The following SLC12A3 variants were observed in gnomAD, a reference collection of about 807,000 sequenced individuals.
SLC12A3 encodes Na-Cl cotransporter.
In SLC12A3, 104 loss-of-function variants were observed where a neutral mutation model predicts 121.0. The ratio of observed to expected loss-of-function variants is 0.86; its 90% CI spans 0.73 to 1.01. The LOEUF (loss-of-function observed/expected upper bound fraction) is 1.01. SLC12A3 is among the 50% of genes least tolerant of loss of function. The probability of loss-of-function intolerance (pLI) is 0.00; values close to 1 mark genes in which losing one functional copy is unlikely to be tolerated. For missense variants in SLC12A3, 1,328 were observed against 1,356.3 expected, an observed-to-expected ratio of 0.98 and a Z score of 0.33; for synonymous variants, 536 against 533.4, an observed-to-expected ratio of 1.00 and a Z score of -0.07.
At chr16:56,870,285 G>A (rs1232405055) in intron 5 of SLC12A3, 50 bp downstream of exon 5, 2 of 1,590,008 alleles carry the variant, frequency 1.3e-6, no homozygotes, top group Non-Finnish European at 1.7e-6. Context: ...GCAGCCCATT[G>A]CACTCTCCTC....
At chr16:56,897,751 A>G (rs1346520048) in intron 22 of SLC12A3, among the ~76,000 whole-genome samples, 1 of 152,146 alleles carries the variant, frequency 6.6e-6, no homozygotes, top group Non-Finnish European at 1.5e-5. Context: ...TGGGAAGGTT[A>G]GGTAACCCTT....
At chr16:56,887,629 T>A (rs558818356) in intron 17 of SLC12A3, among the ~76,000 whole-genome samples, 1 of 151,612 alleles carries the variant, frequency 6.6e-6, no homozygotes, top group South Asian at 2.1e-4. Flanking sequence ...CAATTCTAAC[T>A]CTTGGGGGCA....
chr16:56,887,798 A>ATATATATATATATATATTTTTT (rs1433682477), intron 17 of SLC12A3, 127 bp from the exon 18 acceptor site: 1 of 68,436 alleles, frequency 1.5e-5, no homozygotes, highest in African/African-American at 5.7e-5. Context: ...ATATATATAT[A>ATATATATATATATATATTTTTT]TTTTTTTTTT....
chr16:56,897,415 C>T (rs1454625101), intron 22 of SLC12A3, among the ~76,000 whole-genome samples: 5 of 152,336 alleles, frequency 3.3e-5, no homozygotes, highest in Middle Eastern at 3.4e-3. Context: ...CCCCAGCCTA[C>T]ACCACCCGGT....
chr16:56,891,809 A>G (rs1157589478), intron 19 of SLC12A3, among the ~76,000 whole-genome samples: 1 of 152,182 alleles, frequency 6.6e-6, no homozygotes, highest in African/African-American at 2.4e-5. Flanking sequence ...TAGGGGAAGT[A>G]TGTTCCAGCT....
chr16:56,882,635 C>T (rs2055256927), intron 13 of SLC12A3, 138 bp downstream of exon 13: 1 of 731,860 alleles, frequency 1.4e-6, no homozygotes, highest in African/African-American at 1.7e-5. Flanking sequence ...TGAAAGGGAA[C>T]ATTAATATAA....
At chr16:56,892,030 C>CGG in intron 19 of SLC12A3, 53 bp from the exon 20 acceptor site, 1 of 1,368,250 alleles carries the variant, frequency 7.3e-7, no homozygotes. Context: ...GAGGAACCCA[C>CGG]GGTGCCCTCA....
rs201972617 is a variant in SLC12A3 at position 56,890,256 on chromosome 16, C to T, written c.2286-18C>T. ...GGGAGCTGGGGGAGAAGCTGGACCT[C>T]ACCTCCTCTCTTTCCAGTGATGCCT... is the stretch of plus-strand genomic sequence containing the variant. On this transcript the variant is annotated intron_variant, in intron 18 of 25. Coordinates refer to ENST00000563236, the MANE Select transcript of SLC12A3 (RefSeq NM_001126108.2). The T allele has an allele frequency of 1.6e-4, 258 of 1,609,196 alleles. No homozygotes were observed. The African/African-American group carries it at 2.8e-3, about 17-fold the overall frequency.
intron 25 of SLC12A3, among the ~76,000 whole-genome samples, chr16:56,910,168 A>G (rs1431616909): frequency 6.6e-6 from 1 of 152,228 alleles, no homozygotes; most frequent in Non-Finnish European, 1.5e-5. Context: ...AATAGGCCTT[A>G]TGAATTTGCA....
rs771398122 is a variant in SLC12A3, at chr16:56,870,227, C to A, written c.733C>A (p.Leu245Met). Residue 245 changes from leucine to methionine, a missense_variant, in exon 5 of 26, where the codon CTG (leucine) becomes ATG (methionine). Physicochemically the swap from Leu to Met is conservative, Grantham distance 15. Transcript: ENST00000563236. ...TVGFAETVRDLLQEYGAPIVD... is the reference protein window; with the variant it reads ...TVGFAETVRDMLQEYGAPIVD... ...GGGCTTTGCAGAGACCGTGCGGGAC[C>A]TGCTCCAGGTGAGGCCGGGGGGCTG... The A allele has an allele frequency of 7.4e-6, 12 of 1,613,306 alleles. No individual in the cohort carries two copies. In the South Asian group the frequency reaches 1.3e-4, roughly 18 times the overall value.
Position 56,872,687 on chromosome 16 carries a change from C to A in SLC12A3, c.996C>A (p.Asp332Glu), listed in dbSNP as rs967928519. 1 of 1,614,160 alleles carries A rather than the reference C, an allele frequency of 6.2e-7. No homozygotes were observed. Among genetic ancestry groups the A allele is most frequent in the Non-Finnish European group, 8.5e-7 (1 of 1,180,056 alleles). Residue 332 changes from aspartate (D) to glutamate (E), a missense_variant, in exon 8 of 26, where the codon GAC (aspartate) becomes GAA (glutamate). Transcript: ENST00000563236. ...ADIFVQNLVP[D>E]WRGPDGTFFG... ...TTTTTGTCCAGAACTTGGTGCCTGA[C>A]TGGCGGGGTCCAGATGGCACCTTCT...
At chr16:56,893,541 T>C (rs2055418955) in intron 21 of SLC12A3, among the ~76,000 whole-genome samples, 1 of 152,198 alleles carries the variant, frequency 6.6e-6, no homozygotes, top group Admixed American at 6.5e-5. Flanking sequence ...TGACAGGGAA[T>C]TCCCTACCTA....
rs1334202330 is a variant in SLC12A3, at chr16:56,904,444, A to G, written c.2906A>G (p.Asp969Gly). The change falls in exon 25 of 26, where the codon GAC (aspartate) becomes GGC (glycine). Residue 969 changes from aspartate (D) to glycine (G), a missense_variant. By Grantham distance (94) the Asp-to-Gly change is moderately conservative (BLOSUM62 -1). Transcript: ENST00000563236. ...LNEIVLDYSR[D>G]AALIVITLPI... ...GAGATTGTGCTGGATTACTCCCGAG[A>G]CGCTGCTCTCATCGTCATGTAAGTA... 1 of 1,613,850 alleles carries G rather than the reference A, an allele frequency of 6.2e-7. No homozygotes were observed. The highest frequency in any genetic ancestry group is 8.5e-7 in the Non-Finnish European group (1 of 1,179,786).
Position 56,879,658 on chromosome 16 carries a change from G to T in SLC12A3, c.1443+9G>T, listed in dbSNP as rs754040092. The T allele has an allele frequency of 5.0e-6, 8 of 1,600,304 alleles. No individual in the cohort carries two copies. In the South Asian group the frequency reaches 8.8e-5, roughly 18 times the overall value. On this transcript the variant is annotated intron_variant, in intron 11 of 25. Coordinates refer to ENST00000563236, the MANE Select transcript of SLC12A3 (RefSeq NM_001126108.2). ...CTGCCAAAGTCTTCCAGGTGAGGCC[G>T]CAGAAAGGGGTCGAGATGACAGGGG...
chr16:56,868,500 C>T (rs1239110375), intron 3 of SLC12A3, 128 bp downstream of exon 3: 1 of 912,702 alleles, frequency 1.1e-6, no homozygotes, highest in African/African-American at 1.6e-5. Flanking sequence ...GACCAAACGG[C>T]CAGGCCTTCT....
intron 15 of SLC12A3, 46 bp from the exon 16 acceptor site, chr16:56,886,318 T>C: frequency 7.0e-7 from 1 of 1,438,672 alleles, no homozygotes; most frequent in Non-Finnish European, 9.8e-7. Context: ...CAGACCCCCG[T>C]GGGCTCTCTC....
At chr16:56,878,848 G>A in intron 9 of SLC12A3, among the ~76,000 whole-genome samples, 1 of 152,236 alleles carries the variant, frequency 6.6e-6, no homozygotes, top group Admixed American at 6.5e-5. Flanking sequence ...CTGCGCCTCT[G>A]TAAAATGGCA....
At chr16:56,878,788 C>G (rs540544246) in intron 9 of SLC12A3, among the ~76,000 whole-genome samples, 2 of 152,160 alleles carry the variant, frequency 1.3e-5, no homozygotes, top group East Asian at 3.8e-4. Context: ...GGCTTGAGAT[C>G]CAGGTCTCCG....
chr16:56,902,136 G>A, intron 23 of SLC12A3: 1 of 556,308 alleles, frequency 1.8e-6, no homozygotes, highest in Non-Finnish European at 3.3e-6. Context: ...CCTGCTGGAT[G>A]GTCGGGTGGG....
Sources: gnomAD v4.1 joint callset for allele counts (sites outside exome capture counted in the v4.1 genomes callset) on GRCh38, gnomAD v4.1.1 for gene constraint, MANE v1.5 for transcripts, NCBI Gene and HGNC (gene_info 2026-07-23, HGNC 2026-07-21) for gene names.